Variants in CSMD1 observed in about 807,000 individuals in gnomAD.
The protein encoded by CSMD1 is CUB and Sushi multiple domains 1, also known as CUB and sushi domain-containing protein 1.
A neutral mutation model predicts 417.5 loss-of-function variants in CSMD1; 213 were observed. The observed-to-expected ratio is 0.51, with a 90% confidence interval of 0.46 to 0.57. CSMD1 has a LOEUF of 0.57. Ranked by LOEUF, CSMD1 falls within the 20% of genes least tolerant of loss-of-function variation. The pLI is 0.00. For missense variants in CSMD1, 6,923 were observed against 4,529.7 expected, an observed-to-expected ratio of 1.53 and a Z score of -15.17; for synonymous variants, 2,862 against 1,736.8, an observed-to-expected ratio of 1.65 and a Z score of -16.11.
intron 18 of CSMD1, among the ~76,000 whole-genome samples, chr8:3,377,412 A>C (rs1382610177): frequency 2.0e-5 from 3 of 152,202 alleles, no homozygotes; most frequent in Admixed American, 6.5e-5. Context: ...TTTAAATCTC[A>C]AATTTACATA....
chr8:4,745,433 A>G lies in CSMD1; in HGVS notation c.86-107875T>C, dbSNP rs900495508. 3.3e-5 allele frequency among the ~76,000 whole-genome samples: 5 copies of G among 152,296 alleles called. No homozygotes were observed. The South Asian group carries it at 8.3e-4, about 25-fold the overall frequency. On this transcript the variant is annotated intron_variant, in intron 1 of 69. Coordinates refer to ENST00000635120, the MANE Select transcript of CSMD1 (RefSeq NM_033225.6). ...TGTAGCTCTCAAAGAATGACTATGT[A>G]TAGTATTGAAAGAAAGCTCTCTTAG...
intron 3 of CSMD1, among the ~76,000 whole-genome samples, chr8:4,238,259 T>C (rs971459183): frequency 6.6e-5 from 10 of 152,182 alleles, no homozygotes; most frequent in African/African-American, 2.4e-4. Flanking sequence ...CCTGTGATTC[T>C]TTCACTAGGG....
Position 4,990,579 on chromosome 8 carries a change from G to GGTCT in CSMD1, c.85+3749_85+3752dup, listed in dbSNP as rs1200379672. ...GGGGTTTCACTATGTTGGTCAAGCTGGTCTCCTGACCTTTGATGATCCACC... is the reference window on the plus strand; with the variant it reads ...GGGGTTTCACTATGTTGGTCAAGCTGGTCTGTCTCCTGACCTTTGATGATCCACC... On this transcript the variant is annotated intron_variant, in intron 1 of 69. Transcript: ENST00000635120. Among the ~76,000 whole-genome samples the GGTCT allele has an allele frequency of 2.6e-5, 4 of 152,146 alleles. No individual in the cohort carries two copies. In the East Asian group the frequency reaches 7.7e-4, roughly 29 times the overall value.
chr8:3,504,401 G>T (rs768263690), intron 10 of CSMD1, among the ~76,000 whole-genome samples: 10 of 152,090 alleles, frequency 6.6e-5, no homozygotes, highest in Admixed American at 6.6e-4. Context: ...ATTTCCCTGG[G>T]GGATTTCTGG....
intron 3 of CSMD1, among the ~76,000 whole-genome samples, chr8:4,313,553 C>G (rs1798749999): frequency 1.4e-5 from 2 of 147,550 alleles, no homozygotes; most frequent in African/African-American, 5.0e-5. Context: ...GGAGGAAATA[C>G]GTGTTATGGG....
At chr8:4,460,005 T>C (rs955008652) in intron 2 of CSMD1, among the ~76,000 whole-genome samples, 3 of 152,088 alleles carry the variant, frequency 2.0e-5, no homozygotes, top group African/African-American at 4.8e-5. Flanking sequence ...AAAATAGTAC[T>C]ATAAACCAAC....
intron 1 of CSMD1, among the ~76,000 whole-genome samples, chr8:4,729,164 G>A (rs956992571): frequency 7.2e-5 from 11 of 152,016 alleles, no homozygotes; most frequent in African/African-American, 2.7e-4. Flanking sequence ...CTAATGAGAC[G>A]GGAGAAAAAT....
At chr8:3,189,355 C>T (rs1303485092) in intron 34 of CSMD1, among the ~76,000 whole-genome samples, 9 of 152,224 alleles carry the variant, frequency 5.9e-5, no homozygotes, top group Non-Finnish European at 1.5e-5. Context: ...GTTTTCTCTT[C>T]TCCATGCAGA....
At chr8:3,972,730 C>G (rs1326975774) in intron 5 of CSMD1, among the ~76,000 whole-genome samples, 2 of 152,168 alleles carry the variant, frequency 1.3e-5, no homozygotes, top group African/African-American at 2.4e-5. Context: ...TGGGAGTAAA[C>G]ACACAGCACC....
rs74335945 is a variant in CSMD1 at position 3,028,144 on chromosome 8, A to G, written c.7855+1175T>C. On this transcript the variant is annotated intron_variant, in intron 51 of 69. Coordinates refer to ENST00000635120, the MANE Select transcript of CSMD1 (RefSeq NM_033225.6). Reference sequence around the variant, plus strand: ...GTAAAACCCCACCTGGAAGAAATTAATAAGTGTCTGTTTTTAAGATCCTAT... The same window carrying G: ...GTAAAACCCCACCTGGAAGAAATTAGTAAGTGTCTGTTTTTAAGATCCTAT... Among the ~76,000 whole-genome samples the G allele has an allele frequency of 5.0e-3, 757 of 152,318 alleles. 22 individuals carry two copies. In the East Asian group the frequency reaches 0.082, roughly 16 times the overall value.
intron 5 of CSMD1, among the ~76,000 whole-genome samples, chr8:3,860,773 G>C (rs1278338200): frequency 6.6e-6 from 1 of 152,098 alleles, no homozygotes; most frequent in Admixed American, 6.5e-5. Context: ...GGAGAGAGTA[G>C]AGCTGTTTTA....
intron 4 of CSMD1, among the ~76,000 whole-genome samples, chr8:4,001,162 G>T (rs1360600673): frequency 1.3e-5 from 2 of 152,164 alleles, no homozygotes; most frequent in Admixed American, 6.5e-5. Context: ...GTATTTATGT[G>T]CATGGTATAG....
At chr8:4,464,094 T>C (rs1211869318) in intron 2 of CSMD1, among the ~76,000 whole-genome samples, 1 of 152,146 alleles carries the variant, frequency 6.6e-6, no homozygotes. Flanking sequence ...TTCTCAGTTT[T>C]CTAAAAGAAT....
chr8:4,805,846 T>A (rs1396396455), intron 1 of CSMD1, among the ~76,000 whole-genome samples: 1 of 152,114 alleles, frequency 6.6e-6, no homozygotes, highest in African/African-American at 2.4e-5. Flanking sequence ...AAGCTCATTG[T>A]GGGATGCAGC....
intron 3 of CSMD1, among the ~76,000 whole-genome samples, chr8:4,345,317 CAT>C (rs1363686327): frequency 3.9e-5 from 6 of 152,224 alleles, no homozygotes; most frequent in South Asian, 2.1e-4. Context: ...TAGAAGGTAA[CAT>C]ATAAATCTTT....
Position 3,007,574 on chromosome 8 carries a change from T to C in CSMD1, c.8030-7443A>G, listed in dbSNP as rs1184589764. ...AAGAAAATGTGGCACATATACACCA[T>C]GGAATACTATGCAGCCATAAAAAAT... On this transcript the variant is annotated intron_variant, in intron 52 of 69. Transcript: ENST00000635120. 1.8e-4 allele frequency among the ~76,000 whole-genome samples: 27 copies of C among 151,422 alleles called. 2 individuals are homozygous for C. In the East Asian group the frequency reaches 4.8e-3, roughly 27 times the overall value.
chr8:3,198,311 A>G (rs1796809016), intron 33 of CSMD1, among the ~76,000 whole-genome samples: 1 of 152,188 alleles, frequency 6.6e-6, no homozygotes, highest in Non-Finnish European at 1.5e-5. Flanking sequence ...AAAAATGTTG[A>G]GGCAGCCCAG....
At chr8:4,693,109 C>A (rs185776388) in intron 1 of CSMD1, among the ~76,000 whole-genome samples, 2 of 152,318 alleles carry the variant, frequency 1.3e-5, no homozygotes, top group East Asian at 1.9e-4. Flanking sequence ...GTTCCCAGGG[C>A]CCACTGGAAT....
intron 1 of CSMD1, among the ~76,000 whole-genome samples, chr8:4,688,597 T>C (rs1023064507): frequency 2.0e-5 from 3 of 152,184 alleles, no homozygotes; most frequent in Non-Finnish European, 2.9e-5. Context: ...ACACTCCCTA[T>C]ATTTTATTCA....
Sources: gnomAD v4.1 joint callset for allele counts (sites outside exome capture counted in the v4.1 genomes callset) on GRCh38, gnomAD v4.1.1 for gene constraint, MANE v1.5 for transcripts, NCBI Gene and HGNC (gene_info 2026-07-23, HGNC 2026-07-21) for gene names.